The following KCNQ1OT1 variants were observed in gnomAD, a reference collection of about 807,000 sequenced individuals.
The protein encoded by KCNQ1OT1 is KCNQ1 opposite strand/antisense transcript 1, also known as KCNQ1 antisense RNA 2 (non-protein coding).
At chr11:2,692,930 G>A (rs1850612109) in exon 1 of KCNQ1OT1, 1 of 398,538 alleles carries the variant, frequency 2.5e-6, no homozygotes, top group African/African-American at 2.1e-5. Context: ...TATGTCCCAA[G>A]CAGGTTGTCC....
exon 1 of KCNQ1OT1, chr11:2,684,014 G>A (rs745546317): frequency 5.0e-6 from 2 of 396,684 alleles, no homozygotes; most frequent in Non-Finnish European, 8.9e-6. Flanking sequence ...TCTCTCCTTA[G>A]TCAACATCAG....
Position 2,687,792 on chromosome 11 carries a change from C to T in KCNQ1OT1, n.12203G>A, listed in dbSNP as rs1850516478. The T allele has an allele frequency of 2.5e-6, 1 of 398,708 alleles. No homozygotes were observed. The highest frequency in any genetic ancestry group is 4.4e-6 in the Non-Finnish European group (1 of 226,178). 24.7% of individuals were successfully genotyped at this position (398,708 alleles called of 1,614,324 possible). ...AGCAGGCCTAACCACACCCCTAAGC[C>T]ACCCAGCCTGGCCCCCCTCCTCTGC... On this transcript the variant is annotated non_coding_transcript_exon_variant, in exon 1 of 1. Coordinates refer to ENST00000597346, the Ensembl canonical transcript of KCNQ1OT1. This position sits in a 1 kb window ranked among gnomAD's most constrained non-coding sequence, Gnocchi z 5.0.
At position 2,691,147 on chromosome 11, in the gene KCNQ1OT1, GC is replaced by G. The variant is rs1244008950; in HGVS notation, n.8847del. On this transcript the variant is annotated non_coding_transcript_exon_variant, in exon 1 of 1. Coordinates refer to ENST00000597346, the Ensembl canonical transcript of KCNQ1OT1. The surrounding 1 kb of genome is among the most constrained non-coding windows in gnomAD (Gnocchi z 6.4). ...CAGACCTGGTGCAGAGTCTGTGCTG[GC>G]CTCTGGCCTCTCACAGCCTTGGGAG... 5.0e-6 allele frequency: 2 copies of G among 398,528 alleles called. No homozygotes were observed. Among genetic ancestry groups the G allele is most frequent in the African/African-American group, 4.1e-5 (2 of 48,626 alleles). The allele number at this position is 398,528 out of a possible 1,614,324, so 24.7% of individuals were successfully genotyped here.
At chr11:2,646,763 G>A (rs955765843) in exon 1 of KCNQ1OT1, 4 of 398,396 alleles carry the variant, frequency 1.0e-5, no homozygotes, top group Non-Finnish European at 8.8e-6. Context: ...CAATCCACCC[G>A]CCTCATCCTT....
At position 2,642,765 on chromosome 11, in the gene KCNQ1OT1, A is replaced by T. The variant is rs1849599953; in HGVS notation, n.57230T>A. 1.5e-5 allele frequency: 6 copies of T among 397,408 alleles called. No individual in the cohort carries two copies. Among genetic ancestry groups the T allele is most frequent in the Non-Finnish European group, 1.8e-5 (4 of 225,540 alleles). 24.6% of individuals were successfully genotyped at this position (397,408 alleles called of 1,614,324 possible). On this transcript the variant is annotated non_coding_transcript_exon_variant, in exon 1 of 1. Transcript: ENST00000597346. The surrounding 1 kb of genome is among the most constrained non-coding windows in gnomAD (Gnocchi z 4.3). ...TTCAGGTGTATCATTAGATTATTTAAGATCTTTTCTACCTTTTTTAATGGA... is the reference window on the plus strand; with the variant it reads ...TTCAGGTGTATCATTAGATTATTTATGATCTTTTCTACCTTTTTTAATGGA...
chr11:2,633,074 TTTG>T (rs1169108975), exon 1 of KCNQ1OT1: 2 of 398,374 alleles, frequency 5.0e-6, no homozygotes, highest in African/African-American at 2.1e-5. Flanking sequence ...CTTGCCAGCA[TTTG>T]TTATGTTTTG....
chr11:2,625,736 A>AT (rs1184655235), exon 1 of KCNQ1OT1: 1 of 397,310 alleles, frequency 2.5e-6, no homozygotes, highest in South Asian at 1.4e-4. Context: ...CGCCTGGCTA[A>AT]TTTTTTGTAT....
rs6578283 is a variant in KCNQ1OT1 at position 2,652,345 on chromosome 11, G to A, written n.47650C>T. On this transcript the variant is annotated non_coding_transcript_exon_variant, in exon 1 of 1. Transcript: ENST00000597346. The surrounding 1 kb of genome is among the most constrained non-coding windows in gnomAD (Gnocchi z 5.9). ...TGAAGTTAAGAACTGGCACATTTCC[G>A]CGATGTTGTGATGAAGGTGAAAAGA... is the stretch of plus-strand genomic sequence containing the variant. 274,151 of 398,486 alleles carry A rather than the reference G, an allele frequency of 0.69. 95,652 individuals are homozygous for A. Among genetic ancestry groups the A allele is most frequent in the East Asian group, 0.85 (23,884 of 28,076 alleles). 24.7% of individuals were successfully genotyped at this position (398,486 alleles called of 1,614,324 possible).
In KCNQ1OT1 at chr11:2,642,280, A is replaced by G. The variant is rs1381784502; in HGVS notation, n.57715T>C. On this transcript the variant is annotated non_coding_transcript_exon_variant, in exon 1 of 1. Coordinates refer to ENST00000597346, the Ensembl canonical transcript of KCNQ1OT1. This position sits in a 1 kb window ranked among gnomAD's most constrained non-coding sequence, Gnocchi z 4.3. ...GGATGTTTTTTGTGTGTTCTTTTCAATTTCTTTCATCAGACTTTTGTAGTT... is the reference window on the plus strand; with the variant it reads ...GGATGTTTTTTGTGTGTTCTTTTCAGTTTCTTTCATCAGACTTTTGTAGTT... 2 of 398,044 alleles carry G rather than the reference A, an allele frequency of 5.0e-6. No individual in the cohort carries two copies. The highest frequency in any genetic ancestry group is 7.1e-5 in the East Asian group (2 of 28,032). 24.7% of individuals were successfully genotyped at this position (398,044 alleles called of 1,614,324 possible).
chr11:2,650,728 A>G (rs775347354), exon 1 of KCNQ1OT1: 1 of 398,630 alleles, frequency 2.5e-6, no homozygotes, highest in East Asian at 3.6e-5. Context: ...CTAGAATGCT[A>G]TTGGAATTTG....
Position 2,673,198 on chromosome 11 carries a change from G to A in KCNQ1OT1, n.26797C>T, listed in dbSNP as rs577482044. The stretch of plus-strand genomic sequence containing the variant: ...GGCCCTGGAGCCAAGGCCAAAAGCC[G>A]AACTGTGACTAGGCAAGCTGAGTCC... On this transcript the variant is annotated non_coding_transcript_exon_variant, in exon 1 of 1. Coordinates refer to ENST00000597346, the Ensembl canonical transcript of KCNQ1OT1. This position sits in a 1 kb window ranked among gnomAD's most constrained non-coding sequence, Gnocchi z 4.5. 3.8e-5 allele frequency: 15 copies of A among 398,672 alleles called. No individual in the cohort carries two copies. In the South Asian group the frequency reaches 3.8e-4, roughly 10 times the overall value. 24.7% of individuals were successfully genotyped at this position (398,672 alleles called of 1,614,324 possible). A position where few individuals can be genotyped will look rare whatever the true frequency, so the allele number is the denominator to read the frequency against.
chr11:2,625,088 G>A (rs918530494), exon 1 of KCNQ1OT1: 5 of 398,428 alleles, frequency 1.3e-5, no homozygotes, highest in Middle Eastern at 6.2e-4. Context: ...ATCCTTCTGG[G>A]TGTATACACA....
In KCNQ1OT1 at chr11:2,663,204, G is replaced by C. The variant is rs1950288955; in HGVS notation, n.36791C>G. 2.5e-6 allele frequency: 1 copy of C among 398,768 alleles called. No individual in the cohort carries two copies. 24.7% of individuals were successfully genotyped at this position (398,768 alleles called of 1,614,324 possible). A position where few individuals can be genotyped will look rare whatever the true frequency, so the allele number is the denominator to read the frequency against. ...GTTGGCAGTACCTCATGGTGGGTAG[G>C]GTGTGAAGAGGCTCCAAGGGAGCCA... is the stretch of plus-strand genomic sequence containing the variant. On this transcript the variant is annotated non_coding_transcript_exon_variant, in exon 1 of 1. Transcript: ENST00000597346. This position sits in a 1 kb window ranked among gnomAD's most constrained non-coding sequence, Gnocchi z 5.2.
chr11:2,690,144 C>T lies in KCNQ1OT1; in HGVS notation n.9851G>A, dbSNP rs573760229. On this transcript the variant is annotated non_coding_transcript_exon_variant, in exon 1 of 1. Transcript: ENST00000597346. This position sits in a 1 kb window ranked among gnomAD's most constrained non-coding sequence, Gnocchi z 5.1. Reference sequence around the variant, plus strand: ...GGGAGCAGGGACAAAAAGCGGGCAGCCCTCCCCAGCATGACAGGATGTGGA... The same window carrying T: ...GGGAGCAGGGACAAAAAGCGGGCAGTCCTCCCCAGCATGACAGGATGTGGA... 3.5e-5 allele frequency: 14 copies of T among 398,780 alleles called. No homozygotes were observed. Among genetic ancestry groups the T allele is most frequent in the Non-Finnish European group, 6.2e-5 (14 of 226,314 alleles). The allele number at this position is 398,780 out of a possible 1,614,324, so 24.7% of individuals were successfully genotyped here.
At chr11:2,688,840 C>G (rs1386304017) in exon 1 of KCNQ1OT1, 1 of 398,806 alleles carries the variant, frequency 2.5e-6, no homozygotes, top group Non-Finnish European at 4.4e-6. Flanking sequence ...AGATGGCACT[C>G]CAGGTGGAGA....
Position 2,680,203 on chromosome 11 carries a change from A to G in KCNQ1OT1, n.19792T>C, listed in dbSNP as rs1422806559. ...CAATGCACCTGGCCTCAGCTTGCCT[A>G]ATTAAAAAAAAAAAAAAAAAAAAAG... On this transcript the variant is annotated non_coding_transcript_exon_variant, in exon 1 of 1. Transcript: ENST00000597346. 5 of 366,736 alleles carry G rather than the reference A, an allele frequency of 1.4e-5. No individual in the cohort carries two copies. In the South Asian group the frequency reaches 5.0e-4, roughly 37 times the overall value. The allele number at this position is 366,736 out of a possible 1,614,324, so 22.7% of individuals were successfully genotyped here.
chr11:2,634,115 C>T lies in KCNQ1OT1; in HGVS notation n.65880G>A, dbSNP rs1028748565. On this transcript the variant is annotated non_coding_transcript_exon_variant, in exon 1 of 1. Coordinates refer to ENST00000597346, the Ensembl canonical transcript of KCNQ1OT1. ...TTTAAGGATTGTGTTTTTGCTATTT[C>T]GGTGAAGATTGTCTTTGGTATTTTT... is the stretch of plus-strand genomic sequence containing the variant. The T allele has an allele frequency of 4.3e-4, 170 of 391,630 alleles. No homozygotes were observed. Among genetic ancestry groups the T allele is most frequent in the Middle Eastern group, 1.3e-3 (2 of 1,572 alleles). The allele number at this position is 391,630 out of a possible 1,614,324, so 24.3% of individuals were successfully genotyped here.
In KCNQ1OT1 at chr11:2,613,948, TAAC is replaced by T. The variant is rs1849019923; in HGVS notation, n.86044_86046del. On this transcript the variant is annotated non_coding_transcript_exon_variant, in exon 1 of 1. Coordinates refer to ENST00000597346, the Ensembl canonical transcript of KCNQ1OT1. The surrounding 1 kb of genome is among the most constrained non-coding windows in gnomAD (Gnocchi z 4.8). ...CCTTTTGAACTTTGCTTTTCTCACC[TAAC>T]AACATCTCCTAGAAATCACTCAACA... is the stretch of plus-strand genomic sequence containing the variant. 2.5e-6 allele frequency: 1 copy of T among 398,606 alleles called. No individual in the cohort carries two copies. The highest frequency in any genetic ancestry group is 1.3e-4 in the South Asian group (1 of 7,858). The allele number at this position is 398,606 out of a possible 1,614,324, so 24.7% of individuals were successfully genotyped here. A position where few individuals can be genotyped will look rare whatever the true frequency, so the allele number is the denominator to read the frequency against.
exon 1 of KCNQ1OT1, chr11:2,637,632 A>G (rs1053909665): frequency 6.6e-6 from 1 of 152,156 alleles, no homozygotes; most frequent in Non-Finnish European, 1.5e-5. Flanking sequence ...AATAAGTGCG[A>G]TGTGATGCTG....
Sources: gnomAD v4.1 joint callset for allele counts on GRCh38, gnomAD v4.1.1 for gene constraint, Gnocchi (gnomAD v3.1) non-coding constraint, MANE v1.5 for transcripts, NCBI Gene and HGNC (gene_info 2026-07-23, HGNC 2026-07-21) for gene names.